Variants in TLK1 observed in about 807,000 individuals in gnomAD.
TLK1 encodes serine/threonine-protein kinase tousled-like 1.
A neutral mutation model predicts 105.3 loss-of-function variants in TLK1; 24 were observed. The ratio of observed to expected loss-of-function variants is 0.23; its 90% CI spans 0.17 to 0.32. The LOEUF is 0.32. Among genes scored for constraint, TLK1 ranks in the 10% least tolerant of loss-of-function variants. TLK1 has a pLI of 1.00. For synonymous variants in TLK1, 321 were observed against 310.4 expected (o/e 1.03, Z -0.36); for missense variants, 558 against 910.5 (o/e 0.61, Z 4.98).
At chr2:171,144,782 C>T (rs1026583652) in intron 1 of TLK1, among the ~76,000 whole-genome samples, 1 of 151,874 alleles carries the variant, frequency 6.6e-6, no homozygotes, top group Non-Finnish European at 1.5e-5. Flanking sequence ...AAAGAGAAGA[C>T]AAAAGCAGGC....
At chr2:171,170,937 G>A (rs113860938) in intron 1 of TLK1, among the ~76,000 whole-genome samples, 1,788 of 152,198 alleles carry the variant, frequency 0.012, 33 homozygotes, top group African/African-American at 0.041. Flanking sequence ...AATAAATGAG[G>A]CTGGGTCAAA....
chr2:171,024,769 C>T (rs888654481), intron 12 of TLK1, among the ~76,000 whole-genome samples: 2 of 152,044 alleles, frequency 1.3e-5, no homozygotes, highest in Non-Finnish European at 2.9e-5. Context: ...AATGTTCACT[C>T]AAAAATGGTG....
At chr2:171,172,928 A>G (rs1359780313) in intron 1 of TLK1, among the ~76,000 whole-genome samples, 1 of 152,232 alleles carries the variant, frequency 6.6e-6, no homozygotes, top group Non-Finnish European at 1.5e-5. Context: ...AACTGGTACA[A>G]ACATTTTGGA....
intron 1 of TLK1, among the ~76,000 whole-genome samples, chr2:171,123,057 TACAC>T (rs71008752): frequency 1.1e-3 from 161 of 141,326 alleles, no homozygotes; most frequent in South Asian, 3.6e-3. Flanking sequence ...AATAAATAAA[TACAC>T]ACACACACAC....
At chr2:171,148,184 C>G (rs1489620027) in intron 1 of TLK1, among the ~76,000 whole-genome samples, 2 of 152,164 alleles carry the variant, frequency 1.3e-5, no homozygotes, top group Non-Finnish European at 2.9e-5. Flanking sequence ...GCCACCACAC[C>G]CAGCAGCAGC....
At chr2:171,110,879 T>C (rs1690130442) in intron 2 of TLK1, among the ~76,000 whole-genome samples, 1 of 152,170 alleles carries the variant, frequency 6.6e-6, no homozygotes, top group South Asian at 2.1e-4. Context: ...TATACCTTAA[T>C]AAAAACCATG....
At position 171,022,086 on chromosome 2, in the gene TLK1, A is replaced by AACACACACACAC. The variant is rs557803785; in HGVS notation, c.1236+6241_1236+6252dup. 6.4e-3 allele frequency among the ~76,000 whole-genome samples: 661 copies of AACACACACACAC among 103,054 alleles called. 6 individuals carry two copies. The highest frequency in any genetic ancestry group is 0.017 in the African/African-American group (570 of 33,240). The allele number at this position is 103,054 out of a possible 152,430, so 67.6% of individuals were successfully genotyped here. ...CCACCACACTCCAGCCTGGGCGAAAAACACACACACACACACACACACACA... is the reference window on the plus strand; with the variant it reads ...CCACCACACTCCAGCCTGGGCGAAAAACACACACACACACACACACACACACACACACACACA... On this transcript the variant is annotated intron_variant, in intron 12 of 20. Coordinates refer to ENST00000431350, the MANE Select transcript of TLK1 (RefSeq NM_012290.5).
intron 12 of TLK1, among the ~76,000 whole-genome samples, chr2:171,022,441 C>A (rs985102907): frequency 2.2e-4 from 34 of 152,180 alleles, no homozygotes; most frequent in African/African-American, 6.7e-4. Context: ...CACACACACA[C>A]CTCCCTCCAA....
At chr2:171,003,301 A>G in intron 18 of TLK1, among the ~76,000 whole-genome samples, 1 of 144,562 alleles carries the variant, frequency 6.9e-6, no homozygotes, top group Non-Finnish European at 1.5e-5. Context: ...AAAAAAAAAA[A>G]AAAAGTACAA....
At chr2:171,066,653 CAT>C (rs1398969672) in intron 3 of TLK1, among the ~76,000 whole-genome samples, 7 of 152,316 alleles carry the variant, frequency 4.6e-5, no homozygotes, top group South Asian at 2.1e-4. Context: ...TGCATTCACA[CAT>C]GTTTAAAGGA....
intron 1 of TLK1, among the ~76,000 whole-genome samples, chr2:171,193,681 G>A (rs1244136347): frequency 3.5e-5 from 5 of 144,792 alleles, no homozygotes; most frequent in South Asian, 2.2e-4. Flanking sequence ...GATTATAGGC[G>A]TGAGCCACAG....
chr2:171,004,182 C>T (rs887909037), intron 18 of TLK1, among the ~76,000 whole-genome samples: 5 of 152,168 alleles, frequency 3.3e-5, no homozygotes, highest in African/African-American at 9.6e-5. Flanking sequence ...AGGCTGGTCT[C>T]GAACTCCTGA....
chr2:171,125,401 A>C (rs1332376154), intron 1 of TLK1, among the ~76,000 whole-genome samples: 2 of 152,194 alleles, frequency 1.3e-5, no homozygotes, highest in Non-Finnish European at 2.9e-5. Context: ...CCACACTCCA[A>C]TGTGCCTTAA....
At chr2:171,201,801 C>T (rs893341419) in intron 1 of TLK1, among the ~76,000 whole-genome samples, 3 of 152,262 alleles carry the variant, frequency 2.0e-5, no homozygotes, top group South Asian at 4.1e-4. Flanking sequence ...TACTACAGCT[C>T]GATGTGACCA....
chr2:171,039,602 C>T (rs912910179), intron 11 of TLK1, among the ~76,000 whole-genome samples: 16 of 152,120 alleles, frequency 1.1e-4, no homozygotes, highest in Non-Finnish European at 2.1e-4. Flanking sequence ...AATTTGCTGG[C>T]CTTCATGAAC....
At chr2:171,100,003 G>A (rs182862566) in intron 2 of TLK1, among the ~76,000 whole-genome samples, 4 of 152,242 alleles carry the variant, frequency 2.6e-5, no homozygotes, top group Admixed American at 1.3e-4. Context: ...TCTGTAAATC[G>A]TGTATCTGAT....
chr2:171,122,638 A>G (rs1054617979), intron 1 of TLK1, among the ~76,000 whole-genome samples: 1 of 151,864 alleles, frequency 6.6e-6, no homozygotes, highest in Non-Finnish European at 1.5e-5. Flanking sequence ...ACAAGACAGA[A>G]ACAATTTTTT....
intron 1 of TLK1, among the ~76,000 whole-genome samples, chr2:171,165,969 A>G (rs758260023): frequency 3.9e-5 from 6 of 151,984 alleles, no homozygotes; most frequent in Admixed American, 3.9e-4. Flanking sequence ...ACTCCCATAC[A>G]GTGGGATACT....
intron 18 of TLK1, among the ~76,000 whole-genome samples, chr2:171,005,502 T>A (rs959044496): frequency 1.3e-5 from 2 of 152,116 alleles, no homozygotes; most frequent in African/African-American, 4.8e-5. Flanking sequence ...TCCAAGCACT[T>A]TGGGAGAGGC....
Sources: allele counts gnomAD v4.1 joint callset (sites outside exome capture counted in the v4.1 genomes callset), GRCh38; gene constraint gnomAD v4.1.1; transcripts MANE v1.5; gene names NCBI Gene and HGNC (gene_info 2026-07-23, HGNC 2026-07-21).